Variants in FBN1 observed in about 807,000 individuals in gnomAD.
FBN1 encodes fibrillin-1.
A neutral mutation model predicts 365.1 loss-of-function variants in FBN1; 29 were observed. The observed-to-expected ratio is 0.08, with a 90% CI of 0.06 to 0.11. FBN1 has a LOEUF of 0.11. FBN1 is among the 10% of genes least tolerant of loss of function. The probability of loss-of-function intolerance (pLI) is 1.00; values close to 1 mark genes in which losing one functional copy is unlikely to be tolerated. For synonymous variants in FBN1, 1,210 were observed against 1,270.5 expected (o/e 0.95, Z 1.01); for missense variants, 2,476 against 3,703.2 (o/e 0.67, Z 8.60).
chr15:48,457,677 T>C (rs1438223934), intron 43 of FBN1, among the ~76,000 whole-genome samples: 4 of 152,076 alleles, frequency 2.6e-5, no homozygotes, highest in African/African-American at 9.7e-5. Context: ...ATAATGGTAA[T>C]AGTATTAATA....
chr15:48,541,955 C>T (rs915247411), intron 6 of FBN1, among the ~76,000 whole-genome samples: 6 of 152,128 alleles, frequency 3.9e-5, no homozygotes, highest in Admixed American at 1.3e-4. Flanking sequence ...AATTAAAGTG[C>T]GACTCTAATT....
At chr15:48,496,335 CA>C in intron 19 of FBN1, 110 bp from the exon 20 acceptor site, 1 of 1,353,598 alleles carries the variant, frequency 7.4e-7, no homozygotes. Context: ...TCAATTCAAG[CA>C]AAAAGGCAAA....
rs190946242 is a variant in FBN1 at position 48,565,307 on chromosome 15, T to C, written c.539-27499A>G. ...TTTATTAATTTTATACTTGTGGTCTTTTCTAATTCAAAAAAATTATGTGGC... is the reference window on the plus strand; with the variant it reads ...TTTATTAATTTTATACTTGTGGTCTCTTCTAATTCAAAAAAATTATGTGGC... On this transcript the variant is annotated intron_variant, in intron 6 of 65. Coordinates refer to ENST00000316623, the MANE Select transcript of FBN1 (RefSeq NM_000138.5). Among the ~76,000 whole-genome samples, 771 of 152,006 alleles carry C rather than the reference T, an allele frequency of 5.1e-3. 4 individuals carry two copies. Among genetic ancestry groups the C allele is most frequent in the African/African-American group, 0.018 (741 of 41,280 alleles).
Position 48,516,352 on chromosome 15 carries a change from G to C in FBN1, c.1158C>G (p.Asn386Lys), listed in dbSNP as rs368737502. 105 of 1,613,674 alleles carry C rather than the reference G, an allele frequency of 6.5e-5. 1 individual carries two copies. Among genetic ancestry groups the C allele is most frequent in the Admixed American group, 1.8e-4 (11 of 60,014 alleles). The stretch of plus-strand genomic sequence containing the variant: ...TTACCATAGGAACAGAGCACAGCTT[G>C]TTGAAATCCTCTAGAAAAACACAAC... ...MCPIRATEDF[N>K]KLCSVPMVIP... The change falls in exon 11 of 66, where the codon AAC (asparagine) becomes AAG (lysine). Residue 386 changes from asparagine (N) to lysine (K), a missense_variant. This residue lies in a region of FBN1 where 421 missense variants were observed against 520.1 expected (regional missense o/e 0.81). Transcript: ENST00000316623.
intron 54 of FBN1, 77 bp downstream of exon 54, chr15:48,434,517 A>G: frequency 3.2e-6 from 5 of 1,570,600 alleles, no homozygotes; most frequent in Non-Finnish European, 4.4e-6. Context: ...GTTGTATTTA[A>G]TATTAAGACT....
chr15:48,559,800 A>G (rs1237785948), intron 6 of FBN1, among the ~76,000 whole-genome samples: 3 of 152,238 alleles, frequency 2.0e-5, no homozygotes, highest in African/African-American at 7.2e-5. Flanking sequence ...GCAGCAAAAC[A>G]ATGAACAAAA....
chr15:48,482,758 A>G (rs1459556356), intron 31 of FBN1, among the ~76,000 whole-genome samples: 1 of 152,180 alleles, frequency 6.6e-6, no homozygotes, highest in Non-Finnish European at 1.5e-5. Context: ...GAAACAAACT[A>G]CTCAAGGCTG....
At chr15:48,534,636 C>T (rs2044000014) in intron 7 of FBN1, among the ~76,000 whole-genome samples, 1 of 152,158 alleles carries the variant, frequency 6.6e-6, no homozygotes, top group Admixed American at 6.5e-5. Context: ...AATGAAACTA[C>T]CTTTAAGAGT....
At chr15:48,610,660 C>CA (rs2044649182) in intron 4 of FBN1, 68 bp downstream of exon 4, 2 of 1,240,466 alleles carry the variant, frequency 1.6e-6, no homozygotes, top group Non-Finnish European at 2.3e-6. Context: ...AAGCCAAAAT[C>CA]AAATTTAGGA....
At position 48,437,820 on chromosome 15, in the gene FBN1, C is replaced by A; in HGVS notation, c.6261G>T (p.Leu2087Phe). ...NHSKQECCCA[L>F]KGEGWGDPCE... is the part of the protein sequence containing the mutation. ...AGGGGTCTCCCCAGCCTTCTCCCTT[C>A]AAGGCACAGCAGCATTCCTGCTTGG... The change falls in exon 51 of 66, where the codon TTG becomes TTT. Residue 2087 changes from leucine to phenylalanine, a missense_variant. Coordinates refer to ENST00000316623, the MANE Select transcript of FBN1 (RefSeq NM_000138.5). The A allele has an allele frequency of 1.2e-6, 2 of 1,613,886 alleles. No individual in the cohort carries two copies. Among genetic ancestry groups the A allele is most frequent in the Non-Finnish European group, 1.7e-6 (2 of 1,179,868 alleles).
At chr15:48,536,346 C>T (rs1243455635) in intron 7 of FBN1, among the ~76,000 whole-genome samples, 4 of 152,018 alleles carry the variant, frequency 2.6e-5, no homozygotes, top group Admixed American at 6.6e-5. Context: ...TCATTATCCC[C>T]ACCCCCCCAA....
intron 63 of FBN1, among the ~76,000 whole-genome samples, chr15:48,417,994 C>T (rs140817620): frequency 1.3e-5 from 2 of 152,296 alleles, no homozygotes; most frequent in African/African-American, 4.8e-5. Context: ...ATAAAACCTG[C>T]AAGGCGTGGG....
At chr15:48,509,930 A>T (rs2043744579) in intron 14 of FBN1, 114 bp downstream of exon 14, 1 of 1,146,282 alleles carries the variant, frequency 8.7e-7, no homozygotes. Flanking sequence ...GAGATAAAAT[A>T]TATAAAACAT....
Position 48,474,609 on chromosome 15 carries a change from G to A in FBN1, c.4006C>T (p.His1336Tyr). The A allele has an allele frequency of 6.2e-7, 1 of 1,614,158 alleles. No individual in the cohort carries two copies. Among genetic ancestry groups the A allele is most frequent in the South Asian group, 1.1e-5 (1 of 91,076 alleles). ...CEIGAHNCGK[H>Y]AVCTNTAGSF... ...CCTGCTGTATTGGTACATACAGCAT[G>A]TTTGCCACAGTTGTGTGCTCCAATT... Residue 1336 changes from histidine (H) to tyrosine (Y), a missense_variant, in exon 33 of 66, where the codon CAT (histidine) becomes TAT (tyrosine). Around this residue, in one of 5 missense-constraint regions of FBN1, gnomAD observed 1,780 missense variants for 2,840.8 expected, o/e 0.63. Transcript: ENST00000316623.
chr15:48,500,831 A>T (rs908939132), intron 17 of FBN1, among the ~76,000 whole-genome samples: 1 of 152,216 alleles, frequency 6.6e-6, no homozygotes, highest in Non-Finnish European at 1.5e-5. Flanking sequence ...AACCAGTGAG[A>T]AACAGCTTCA....
chr15:48,537,857 C>A (rs1302110127), intron 6 of FBN1, 49 bp from the exon 7 acceptor site: 8 of 1,582,576 alleles, frequency 5.1e-6, no homozygotes, highest in African/African-American at 1.3e-5. Flanking sequence ...AAGCAGGAAC[C>A]ATCATGCAGA....
chr15:48,458,801 C>T (rs903998177), intron 43 of FBN1, among the ~76,000 whole-genome samples: 1 of 152,214 alleles, frequency 6.6e-6, no homozygotes, highest in Admixed American at 6.5e-5. Context: ...ATGGACTCCA[C>T]ATGCCAACAA....
At chr15:48,625,931 T>C (rs983311737) in intron 2 of FBN1, among the ~76,000 whole-genome samples, 1 of 152,214 alleles carries the variant, frequency 6.6e-6, no homozygotes, top group South Asian at 2.1e-4. Context: ...TCTTAAGTGG[T>C]AAATGAGAGT....
In FBN1 at chr15:48,472,609, T is replaced by C; in HGVS notation, c.4278A>G (p.Gly1426=). 6.2e-7 allele frequency: 1 copy of C among 1,614,192 alleles called. No homozygotes were observed. The highest frequency in any genetic ancestry group is 8.5e-7 in the Non-Finnish European group (1 of 1,180,040). Residue 1426 remains glycine, a synonymous_variant, in exon 35 of 66, where the codon GGA becomes GGG. Transcript: ENST00000316623. Reference sequence around the variant, plus strand: ...AGCCCATGTCGCATTCACAGCGGTATCCTCCTGGTGCATTGAGGCACTGGC... The same window carrying C: ...AGCCCATGTCGCATTCACAGCGGTACCCTCCTGGTGCATTGAGGCACTGGC... ...GNGQCLNAPG[G]YRCECDMGFV... is the part of the protein sequence containing the mutation.
Sources: allele counts gnomAD v4.1 joint callset (sites outside exome capture counted in the v4.1 genomes callset), GRCh38; gene constraint gnomAD v4.1.1; regional missense constraint gnomAD v4.1.1; transcripts MANE v1.5; gene names NCBI Gene and HGNC (gene_info 2026-07-23, HGNC 2026-07-21).